The following MFSD6 variants were observed in gnomAD, a reference collection of about 807,000 sequenced individuals.
MFSD6 encodes the protein major facilitator superfamily domain-containing protein 6.
In MFSD6, 26 loss-of-function variants were observed where a neutral mutation model predicts 56.3. The observed-to-expected ratio is 0.46, with a 90% CI of 0.34 to 0.64. The LOEUF (loss-of-function observed/expected upper bound fraction) is 0.64. Ranked by LOEUF, MFSD6 falls within the 30% of genes least tolerant of loss-of-function variation. The probability of loss-of-function intolerance (pLI) is 0.01; values close to 1 mark genes in which losing one functional copy is unlikely to be tolerated. For missense variants in MFSD6, 750 were observed against 986.2 expected (o/e 0.76, Z 3.21); for synonymous variants, 331 against 366.9 (o/e 0.90, Z 1.12).
At position 190,437,514 on chromosome 2, in the gene MFSD6, A is replaced by G. The variant is rs927027314; in HGVS notation, c.1485A>G (p.Thr495=). 1.2e-6 allele frequency: 2 copies of G among 1,614,154 alleles called. No homozygotes were observed. The highest frequency in any genetic ancestry group is 1.7e-6 in the Non-Finnish European group (2 of 1,179,990). Residue 495 remains threonine (T), a synonymous_variant, in exon 3 of 8, where the codon ACA becomes ACG. Transcript: ENST00000392328. The surrounding 1 kb of genome is among the most constrained non-coding windows in gnomAD (Gnocchi z 5.9). ...CSVLSHVSEL[T]AYFFSHKLIE... ...TCCTGAGTCATGTGTCTGAGCTGAC[A>G]GCATATTTTTTTAGTCACAAGCTTA...
rs1202715137 is a variant in MFSD6, at chr2:190,496,134, A to G, written c.1892-1305A>G. 6.6e-6 allele frequency among the ~76,000 whole-genome samples: 1 copy of G among 151,962 alleles called. No individual in the cohort carries two copies. The highest frequency in any genetic ancestry group is 2.4e-5 in the African/African-American group (1 of 41,310). The stretch of plus-strand genomic sequence containing the variant: ...CCAGAATCTATGACGAACTCAAACA[A>G]ATTAGCAAGAAAAAAAAAAACACCA... On this transcript the variant is annotated intron_variant, in intron 6 of 7. Transcript: ENST00000392328. The surrounding 1 kb of genome is among the most constrained non-coding windows in gnomAD (Gnocchi z 4.7).
rs1020157855 is a variant in MFSD6, at chr2:190,424,041, C to T, written c.-54+8628C>T. On this transcript the variant is annotated intron_variant, in intron 2 of 7. Coordinates refer to ENST00000392328, the MANE Select transcript of MFSD6 (RefSeq NM_017694.4). The surrounding 1 kb of genome is among the most constrained non-coding windows in gnomAD (Gnocchi z 5.9). ...TTACATATTCTAGAAACTAATCCTT[C>T]GCTGGATTTGTGGTTTCCAAGTATT... is the stretch of plus-strand genomic sequence containing the variant. Among the ~76,000 whole-genome samples the T allele has an allele frequency of 3.3e-5, 5 of 152,164 alleles. No individual in the cohort carries two copies. Among genetic ancestry groups the T allele is most frequent in the East Asian group, 1.9e-4 (1 of 5,202 alleles).
At position 190,419,453 on chromosome 2, in the gene MFSD6, A is replaced by G. The variant is rs369502581; in HGVS notation, c.-54+4040A>G. 2.0e-5 allele frequency among the ~76,000 whole-genome samples: 3 copies of G among 152,226 alleles called. No individual in the cohort carries two copies. In the East Asian group the frequency reaches 5.8e-4, roughly 29 times the overall value. On this transcript the variant is annotated intron_variant, in intron 2 of 7. Coordinates refer to ENST00000392328, the MANE Select transcript of MFSD6 (RefSeq NM_017694.4). Reference sequence around the variant, plus strand: ...CTGCTTCGCAGCTTCAGCCCTCATCACTAGGCAACACTGAGTTATGATGGC... The same window carrying G: ...CTGCTTCGCAGCTTCAGCCCTCATCGCTAGGCAACACTGAGTTATGATGGC...
intron 4 of MFSD6, among the ~76,000 whole-genome samples, chr2:190,481,679 G>C (rs1688674771): frequency 6.6e-6 from 1 of 152,204 alleles, no homozygotes; most frequent in Non-Finnish European, 1.5e-5. Flanking sequence ...AGGCTATCTG[G>C]CACATAATAT....
Position 190,459,489 on chromosome 2 carries a change from A to ATATGTTTAGTCATTGTGTGT in MFSD6, c.1533-10269_1533-10268insTATGTTTAGTCATTGTGTGT, listed in dbSNP as rs1687210627. Reference sequence around the variant, plus strand: ...CAAAATTGTAGGGGGTGTGTGTGTGAATATGTTCAGTCATTTGACTAAACA... The same window carrying ATATGTTTAGTCATTGTGTGT: ...CAAAATTGTAGGGGGTGTGTGTGTGATATGTTTAGTCATTGTGTGTATATGTTCAGTCATTTGACTAAACA... On this transcript the variant is annotated intron_variant, in intron 3 of 7. Coordinates refer to ENST00000392328, the MANE Select transcript of MFSD6 (RefSeq NM_017694.4). This position sits in a 1 kb window ranked among gnomAD's most constrained non-coding sequence, Gnocchi z 5.3. 6.6e-6 allele frequency among the ~76,000 whole-genome samples: 1 copy of ATATGTTTAGTCATTGTGTGT among 152,080 alleles called. No individual in the cohort carries two copies. Among genetic ancestry groups the ATATGTTTAGTCATTGTGTGT allele is most frequent in the Admixed American group, 6.5e-5 (1 of 15,276 alleles).
rs1275104579 is a variant in MFSD6, at chr2:190,431,556, C to T, written c.-53-4421C>T. On this transcript the variant is annotated intron_variant, in intron 2 of 7. Transcript: ENST00000392328. The surrounding 1 kb of genome is among the most constrained non-coding windows in gnomAD (Gnocchi z 4.4). ...CGTCTCCACCAAAAAAATACGAAAA[C>T]CAGTCAGGTGTGGCGGCGCGCGCCT... 1.3e-5 allele frequency among the ~76,000 whole-genome samples: 2 copies of T among 152,194 alleles called. No individual in the cohort carries two copies. The highest frequency in any genetic ancestry group is 3.9e-4 in the East Asian group (2 of 5,178).
chr2:190,429,456 G>C (rs1685892800), intron 2 of MFSD6, among the ~76,000 whole-genome samples: 1 of 151,822 alleles, frequency 6.6e-6, no homozygotes, highest in Non-Finnish European at 1.5e-5. Context: ...CTCCCAAGCA[G>C]CTGGGATTAC....
chr2:190,450,667 AT>A (rs1686747477), intron 3 of MFSD6, among the ~76,000 whole-genome samples: 1 of 151,446 alleles, frequency 6.6e-6, no homozygotes, highest in South Asian at 2.1e-4. Flanking sequence ...TAAGTTTTGT[AT>A]TTTTTGTAGA....
chr2:190,483,835 C>CA (rs34089229), intron 4 of MFSD6, among the ~76,000 whole-genome samples: 22,928 of 85,908 alleles, frequency 0.27, 2,531 homozygotes, highest in Admixed American at 0.43. Flanking sequence ...AACTCATTTT[C>CA]AAAAAAAAAA....
rs757436240 is a variant in MFSD6 at position 190,488,961 on chromosome 2, G to T, written c.1792+143G>T. On this transcript the variant is annotated intron_variant, in intron 5 of 7. Transcript: ENST00000392328. This position sits in a 1 kb window ranked among gnomAD's most constrained non-coding sequence, Gnocchi z 6.4. ...TTCATAATCTCTTTCTAGATTTCATGGTAGTCATAATTGTAAAGCAGTGTG... is the reference window on the plus strand; with the variant it reads ...TTCATAATCTCTTTCTAGATTTCATTGTAGTCATAATTGTAAAGCAGTGTG... 131 of 918,236 alleles carry T rather than the reference G, an allele frequency of 1.4e-4. No homozygotes were observed. Among genetic ancestry groups the T allele is most frequent in the Non-Finnish European group, 1.3e-4 (83 of 643,318 alleles). 56.9% of individuals were successfully genotyped at this position (918,236 alleles called of 1,614,324 possible). A position where few individuals can be genotyped will look rare whatever the true frequency, so the allele number is the denominator to read the frequency against.
At position 190,410,469 on chromosome 2, in the gene MFSD6, G is replaced by A. The variant is rs766785620; in HGVS notation, c.-176+1966G>A. On this transcript the variant is annotated intron_variant, in intron 1 of 7. Transcript: ENST00000392328. This position sits in a 1 kb window ranked among gnomAD's most constrained non-coding sequence, Gnocchi z 4.4. ...ACGCAGATGTCTTCCTTAGCTTCGTGCCTTTGAAAATTAACTTGATTTCAA... is the reference window on the plus strand; with the variant it reads ...ACGCAGATGTCTTCCTTAGCTTCGTACCTTTGAAAATTAACTTGATTTCAA... Among the ~76,000 whole-genome samples the A allele has an allele frequency of 6.6e-6, 1 of 152,156 alleles. No homozygotes were observed. The highest frequency in any genetic ancestry group is 1.5e-5 in the Non-Finnish European group (1 of 68,040).
rs1483172252 is a variant in MFSD6 at position 190,413,276 on chromosome 2, A to T, written c.-175-2016A>T. 6.6e-6 allele frequency among the ~76,000 whole-genome samples: 1 copy of T among 151,762 alleles called. No individual in the cohort carries two copies. Among genetic ancestry groups the T allele is most frequent in the Non-Finnish European group, 1.5e-5 (1 of 67,976 alleles). On this transcript the variant is annotated intron_variant, in intron 1 of 7. Coordinates refer to ENST00000392328, the MANE Select transcript of MFSD6 (RefSeq NM_017694.4). This position sits in a 1 kb window ranked among gnomAD's most constrained non-coding sequence, Gnocchi z 4.1. ...CCTGGTGGTCCTGCTGCATTTTAGG[A>T]TGGGAGGGGCGGGGTAGAATGGGGG...
In MFSD6 at chr2:190,489,733, G is replaced by A; in HGVS notation, c.1793-35G>A. ...TAGATGAGCGCTATCTGCATTTCTTGGAATTACTCTATAGAGTGCTGTTTG... is the reference window on the plus strand; with the variant it reads ...TAGATGAGCGCTATCTGCATTTCTTAGAATTACTCTATAGAGTGCTGTTTG... On this transcript the variant is annotated intron_variant, in intron 5 of 7. Transcript: ENST00000392328. The surrounding 1 kb of genome is among the most constrained non-coding windows in gnomAD (Gnocchi z 6.6). 6.3e-7 allele frequency: 1 copy of A among 1,577,488 alleles called. No homozygotes were observed. The highest frequency in any genetic ancestry group is 1.7e-5 in the Admixed American group (1 of 57,614).
At chr2:190,473,068 A>C (rs974989278) in intron 4 of MFSD6, among the ~76,000 whole-genome samples, 24 of 152,168 alleles carry the variant, frequency 1.6e-4, no homozygotes, top group Non-Finnish European at 3.1e-4. Flanking sequence ...ACCTGCCCTA[A>C]AAGAGCTCCT....
Position 190,469,442 on chromosome 2 carries a change from TA to T in MFSD6, c.1533-310del, listed in dbSNP as rs1408273736. 6.3e-6 allele frequency: 1 copy of T among 158,676 alleles called. No homozygotes were observed. The highest frequency in any genetic ancestry group is 1.4e-5 in the Non-Finnish European group (1 of 72,834). The allele number at this position is 158,676 out of a possible 1,614,324, so 9.8% of individuals were successfully genotyped here. ...TGATGGCAGTGCGCCCAGACTATCTTAAAAAAGCATCATCTCTGCTACAAAT... is the reference window on the plus strand; with the variant it reads ...TGATGGCAGTGCGCCCAGACTATCTTAAAAAGCATCATCTCTGCTACAAAT... On this transcript the variant is annotated intron_variant, in intron 3 of 7. Coordinates refer to ENST00000392328, the MANE Select transcript of MFSD6 (RefSeq NM_017694.4). The surrounding 1 kb of genome is among the most constrained non-coding windows in gnomAD (Gnocchi z 5.3).
intron 1 of MFSD6, among the ~76,000 whole-genome samples, chr2:190,409,614 C>G (rs1210972539): frequency 6.6e-6 from 1 of 152,126 alleles, no homozygotes; most frequent in East Asian, 1.9e-4. Context: ...AATCTAACCT[C>G]TTAAGTATAG....
rs1690653919 is a variant in MFSD6, at chr2:190,413,540, G to A, written c.-175-1752G>A. ...TTTGATCTGAGACCAAGAGTGGGAT[G>A]GGGGAAAGACAGGGAAAGACAGGGA... On this transcript the variant is annotated intron_variant, in intron 1 of 7. Transcript: ENST00000392328. The surrounding 1 kb of genome is among the most constrained non-coding windows in gnomAD (Gnocchi z 4.1). 1.3e-5 allele frequency among the ~76,000 whole-genome samples: 2 copies of A among 151,936 alleles called. No individual in the cohort carries two copies. The highest frequency in any genetic ancestry group is 2.1e-4 in the South Asian group (1 of 4,816).
chr2:190,482,077 G>A (rs893386516), intron 4 of MFSD6, among the ~76,000 whole-genome samples: 2 of 152,194 alleles, frequency 1.3e-5, no homozygotes, highest in African/African-American at 2.4e-5. Flanking sequence ...AGGATAGCAC[G>A]TGGGAAATTG....
intron 4 of MFSD6, among the ~76,000 whole-genome samples, chr2:190,477,016 G>T (rs1688363220): frequency 7.4e-6 from 1 of 134,342 alleles, no homozygotes; most frequent in South Asian, 2.3e-4. Flanking sequence ...TGAACACATG[G>T]ACACAGGAAG....
Sources: gnomAD v4.1 joint callset for allele counts (sites outside exome capture counted in the v4.1 genomes callset) on GRCh38, gnomAD v4.1.1 for gene constraint, Gnocchi (gnomAD v3.1) non-coding constraint, MANE v1.5 for transcripts, NCBI Gene and HGNC (gene_info 2026-07-23, HGNC 2026-07-21) for gene names.